ADAM22: variants seen among roughly 807,000 people sequenced by gnomAD.
The protein encoded by ADAM22 is disintegrin and metalloproteinase domain-containing protein 22.
A neutral mutation model predicts 144.6 loss-of-function variants in ADAM22; 65 were observed. The ratio of observed to expected loss-of-function variants is 0.45; its 90% CI spans 0.37 to 0.55. The LOEUF (loss-of-function observed/expected upper bound fraction) is 0.55, where lower values mean the gene tolerates loss of function less well. Ranked by LOEUF, ADAM22 falls within the 20% of genes least tolerant of loss-of-function variation. The pLI, the probability that ADAM22 is intolerant of heterozygous loss-of-function variation, is 0.00. For missense variants in ADAM22, 974 were observed against 1,184.9 expected (o/e 0.82, Z 2.61); for synonymous variants, 391 against 412.6 (o/e 0.95, Z 0.63).
At chr7:87,962,507 C>G (rs1848207133) in intron 2 of ADAM22, among the ~76,000 whole-genome samples, 1 of 152,102 alleles carries the variant, frequency 6.6e-6, no homozygotes, top group African/African-American at 2.4e-5. Context: ...GAAGCAAGAA[C>G]AATTCTGATT....
At chr7:87,993,223 TCTAA>T (rs1315948463) in intron 3 of ADAM22, among the ~76,000 whole-genome samples, 1 of 152,170 alleles carries the variant, frequency 6.6e-6, no homozygotes, top group Non-Finnish European at 1.5e-5. Flanking sequence ...AAGAGAACCC[TCTAA>T]CTACTAAATG....
At chr7:88,191,492 C>T (rs904549413) in intron 30 of ADAM22, among the ~76,000 whole-genome samples, 17 of 152,280 alleles carry the variant, frequency 1.1e-4, no homozygotes, top group Middle Eastern at 3.4e-3. Flanking sequence ...AAAAAGCTGA[C>T]GCCAGGTTAA....
intron 3 of ADAM22, among the ~76,000 whole-genome samples, chr7:88,031,827 T>C (rs1003429185): frequency 6.6e-6 from 1 of 152,200 alleles, no homozygotes; most frequent in Non-Finnish European, 1.5e-5. Flanking sequence ...GCTCCCTCTG[T>C]CCCAGCCACT....
At chr7:88,073,852 T>C (rs1393817481) in intron 3 of ADAM22, among the ~76,000 whole-genome samples, 1 of 152,238 alleles carries the variant, frequency 6.6e-6, no homozygotes, top group Non-Finnish European at 1.5e-5. Flanking sequence ...TGAGAGATAC[T>C]GGGACAAGTA....
At chr7:87,944,077 G>A (rs1314504999) in intron 2 of ADAM22, among the ~76,000 whole-genome samples, 1 of 151,864 alleles carries the variant, frequency 6.6e-6, no homozygotes, top group Non-Finnish European at 1.5e-5. Context: ...CACTTATTCT[G>A]CTTCACACTG....
At chr7:87,952,067 T>A (rs1467118735) in intron 2 of ADAM22, among the ~76,000 whole-genome samples, 5 of 151,164 alleles carry the variant, frequency 3.3e-5, no homozygotes, top group African/African-American at 1.2e-4. Context: ...TTTCTAGATA[T>A]ACAATCATGT....
chr7:88,009,244 A>C (rs1794772151), intron 3 of ADAM22, among the ~76,000 whole-genome samples: 1 of 152,168 alleles, frequency 6.6e-6, no homozygotes, highest in African/African-American at 2.4e-5. Flanking sequence ...ACAGTTTTGC[A>C]TTAGCTTCAT....
chr7:88,185,677 A>C (rs926196352), intron 29 of ADAM22, among the ~76,000 whole-genome samples: 2 of 152,200 alleles, frequency 1.3e-5, no homozygotes, highest in East Asian at 3.8e-4. Flanking sequence ...CTTGGCTCCC[A>C]GGGTAAAAAT....
Position 88,007,343 on chromosome 7 carries a change from A to G in ADAM22, c.323+28931A>G, listed in dbSNP as rs1387433215. ...ACTGCCCCAGGTAATTTATAGATTCAATGCCATCCCCATCAAGCTACCAAT... is the reference window on the plus strand; with the variant it reads ...ACTGCCCCAGGTAATTTATAGATTCGATGCCATCCCCATCAAGCTACCAAT... On this transcript the variant is annotated intron_variant, in intron 3 of 31. Coordinates refer to ENST00000413139, the MANE Select transcript of ADAM22 (RefSeq NM_001324418.2). Among the ~76,000 whole-genome samples the G allele has an allele frequency of 4.6e-5, 7 of 152,316 alleles. No homozygotes were observed. The East Asian group carries it at 9.6e-4, about 21-fold the overall frequency.
chr7:88,128,801 A>G, intron 9 of ADAM22, 125 bp downstream of exon 9: 1 of 653,138 alleles, frequency 1.5e-6, no homozygotes, highest in Admixed American at 3.3e-5. Flanking sequence ...TGTATAATCA[A>G]ATATATTTGT....
intron 24 of ADAM22, among the ~76,000 whole-genome samples, chr7:88,166,915 G>A (rs111762013): frequency 3.3e-5 from 5 of 152,194 alleles, no homozygotes; most frequent in African/African-American, 9.6e-5. Context: ...AAAAAGGAAG[G>A]GGGGGCAGAC....
chr7:87,997,052 A>C (rs1791405255), intron 3 of ADAM22, among the ~76,000 whole-genome samples: 1 of 152,186 alleles, frequency 6.6e-6, no homozygotes, highest in Admixed American at 6.5e-5. Context: ...TCTTGAAGGA[A>C]CTGTTTAACT....
chr7:88,007,843 G>C (rs1247355558), intron 3 of ADAM22, among the ~76,000 whole-genome samples: 1 of 152,168 alleles, frequency 6.6e-6, no homozygotes, highest in Non-Finnish European at 1.5e-5. Context: ...GCATGGGCAA[G>C]GACTTCATGT....
chr7:87,950,310 A>C (rs375516268), intron 2 of ADAM22, among the ~76,000 whole-genome samples: 3 of 108,902 alleles, frequency 2.8e-5, no homozygotes, highest in Middle Eastern at 6.5e-3. Flanking sequence ...CACAACAGTC[A>C]CCAGAGTGTG....
chr7:88,126,759 T>C (rs1370235830), intron 8 of ADAM22, among the ~76,000 whole-genome samples: 1 of 151,980 alleles, frequency 6.6e-6, no homozygotes, highest in Non-Finnish European at 1.5e-5. Context: ...TGAGCATTTC[T>C]TTTGAGTGTC....
In ADAM22 at chr7:88,149,007, G is replaced by A. The variant is rs936700519; in HGVS notation, c.1516G>A (p.Ala506Thr). 1.2e-6 allele frequency: 2 copies of A among 1,612,290 alleles called. No individual in the cohort carries two copies. Among genetic ancestry groups the A allele is most frequent in the African/African-American group, 2.7e-5 (2 of 74,862 alleles). The change falls in exon 18 of 32, where the codon GCA (alanine) becomes ACA (threonine). Residue 506 changes from alanine (A) to threonine (T), a missense_variant. Coordinates refer to ENST00000413139, the MANE Select transcript of ADAM22 (RefSeq NM_001324418.2). ...FQPMGTVCREAVNDCDIRETC... is the reference protein window; with the variant it reads ...FQPMGTVCRETVNDCDIRETC... ...GCCTATGGGCACTGTGTGCCGAGAA[G>A]CAGTAAATGATTGTGATATTCGTGA... is the stretch of plus-strand genomic sequence containing the variant.
At chr7:88,081,177 T>C (rs1007600773) in intron 4 of ADAM22, among the ~76,000 whole-genome samples, 1 of 152,118 alleles carries the variant, frequency 6.6e-6, no homozygotes, top group Non-Finnish European at 1.5e-5. Context: ...GATGCAAGGC[T>C]GGTTCAACAT....
intron 19 of ADAM22, 85 bp downstream of exon 19, chr7:88,151,116 T>C (rs1838219219): frequency 6.5e-7 from 1 of 1,529,262 alleles, no homozygotes; most frequent in East Asian, 2.3e-5. Context: ...GGAAGATCAA[T>C]TTAAATGTTT....
rs542026308 is a variant in ADAM22, at chr7:87,954,762, C to T, written c.246+19576C>T. 6.6e-5 allele frequency among the ~76,000 whole-genome samples: 10 copies of T among 152,310 alleles called. No individual in the cohort carries two copies. The East Asian group carries it at 1.7e-3, about 26-fold the overall frequency. On this transcript the variant is annotated intron_variant, in intron 2 of 31. Coordinates refer to ENST00000413139, the MANE Select transcript of ADAM22 (RefSeq NM_001324418.2). The stretch of plus-strand genomic sequence containing the variant: ...TTTTCCAACTTGGTTCCATTCTCCC[C>T]ATCACTTTCAGGTACACCAATCAGA...
Sources: gnomAD v4.1 joint callset for allele counts (sites outside exome capture counted in the v4.1 genomes callset) on GRCh38, gnomAD v4.1.1 for gene constraint, MANE v1.5 for transcripts, NCBI Gene and HGNC (gene_info 2026-07-23, HGNC 2026-07-21) for gene names.